Variants in FBXO5 observed in about 807,000 individuals in gnomAD.
FBXO5 encodes F-box only protein 5.
In FBXO5, 8 loss-of-function variants were observed where a neutral mutation model predicts 43.3. The ratio of observed to expected loss-of-function variants is 0.18; its 90% CI spans 0.11 to 0.33. FBXO5 has a LOEUF of 0.33. Among genes scored for constraint, FBXO5 ranks in the 10% least tolerant of loss-of-function variants. The probability of loss-of-function intolerance (pLI) is 1.00; values close to 1 mark genes in which losing one functional copy is unlikely to be tolerated. For synonymous variants in FBXO5, 204 were observed against 193.7 expected (o/e 1.05, Z -0.44); for missense variants, 491 against 535.7 (o/e 0.92, Z 0.82).
At position 152,972,458 on chromosome 6, in the gene FBXO5, A is replaced by T; in HGVS notation, c.910-4T>A. 1 of 1,569,298 alleles carries T rather than the reference A, an allele frequency of 6.4e-7. No homozygotes were observed. The highest frequency in any genetic ancestry group is 8.6e-7 in the Non-Finnish European group (1 of 1,158,466). Reference sequence around the variant, plus strand: ...GTGAAAATTTATTGTTGTTTTCCTAATTTAAAAAAAAGTTTTAATAGAATT... The same window carrying T: ...GTGAAAATTTATTGTTGTTTTCCTATTTTAAAAAAAAGTTTTAATAGAATT... On this transcript the variant is annotated splice_region_variant and splice_polypyrimidine_tract_variant and intron_variant, in intron 3 of 4. Coordinates refer to ENST00000229758, the MANE Select transcript of FBXO5 (RefSeq NM_012177.5).
intron 2 of FBXO5, chr6:152,974,006 C>G (rs1179943607): frequency 2.0e-5 from 3 of 150,912 alleles, no homozygotes; most frequent in Non-Finnish European, 4.4e-5. Context: ...TAAGTCCTAT[C>G]TAATTCTAGC....
intron 1 of FBXO5, among the ~76,000 whole-genome samples, chr6:152,976,585 C>G (rs964713387): frequency 1.3e-5 from 2 of 152,292 alleles, no homozygotes; most frequent in Middle Eastern, 6.8e-3. Context: ...ATAAGAATGA[C>G]ACTCTAATCA....
chr6:152,974,321 T>C (rs922318078), intron 2 of FBXO5, among the ~76,000 whole-genome samples: 2 of 152,192 alleles, frequency 1.3e-5, no homozygotes, highest in African/African-American at 2.4e-5. Flanking sequence ...AATTACTTCA[T>C]ACTTTCTGGT....
rs1295406884 is a variant in FBXO5 at position 152,982,948 on chromosome 6, G to A, written c.12C>T (p.Arg4=). Residue 4 remains arginine (R), a synonymous_variant, in exon 1 of 5, where the codon CGC becomes CGT. Coordinates refer to ENST00000229758, the MANE Select transcript of FBXO5 (RefSeq NM_012177.5). ...GTGGCCGTAGGGCGCAGCTGCAGGG[G>A]CGCCGGCTCATGCCAGCCGACGTGG... is the stretch of plus-strand genomic sequence containing the variant. MSR[R]PCSCALRPPR... The A allele has an allele frequency of 2.1e-6, 3 of 1,421,882 alleles. No homozygotes were observed. The highest frequency in any genetic ancestry group is 2.7e-6 in the Non-Finnish European group (3 of 1,097,452). 88.1% of individuals were successfully genotyped at this position (1,421,882 alleles called of 1,614,324 possible).
chr6:152,976,082 AT>A (rs1216521582), intron 1 of FBXO5, among the ~76,000 whole-genome samples: 4 of 152,212 alleles, frequency 2.6e-5, no homozygotes, highest in Non-Finnish European at 5.9e-5. Flanking sequence ...TGGACTTGAA[AT>A]GACATTATGG....
rs762751985 is a variant in FBXO5 at position 152,971,314 on chromosome 6, C to T, written c.1193G>A (p.Arg398Gln). ...ACAATAATCAAATCCACAGCCTTCT[C>T]GTTTGCAGGTTGCCCGTTGTAAATA... The part of the protein sequence containing the change: ...DCYLQRATCK[R>Q]EGCGFDYCTK... Residue 398 changes from arginine (R) to glutamine (Q), a missense_variant, in exon 5 of 5, where the codon CGA (arginine) becomes CAA (glutamine). By Grantham distance (43) the Arg-to-Gln change is conservative. Transcript: ENST00000229758. 3 of 1,613,992 alleles carry T rather than the reference C, an allele frequency of 1.9e-6. No homozygotes were observed. The highest frequency in any genetic ancestry group is 2.5e-6 in the Non-Finnish European group (3 of 1,179,954).
At chr6:152,974,198 C>A (rs1342168390) in intron 2 of FBXO5, among the ~76,000 whole-genome samples, 4 of 151,186 alleles carry the variant, frequency 2.6e-5, no homozygotes, top group African/African-American at 9.8e-5. Context: ...TGGAGTGAAA[C>A]CCTGTCTCAA....
intron 1 of FBXO5, among the ~76,000 whole-genome samples, chr6:152,977,308 T>C (rs1185033270): frequency 6.6e-6 from 1 of 150,612 alleles, no homozygotes. Context: ...AGTAAATGTA[T>C]ACAGCATCAG....
intron 1 of FBXO5, among the ~76,000 whole-genome samples, chr6:152,979,768 T>C (rs142632707): frequency 7.9e-5 from 12 of 152,348 alleles, no homozygotes; most frequent in African/African-American, 2.6e-4. Flanking sequence ...GCAGTTGACA[T>C]TGGTGTCCAT....
intron 1 of FBXO5, among the ~76,000 whole-genome samples, chr6:152,976,797 G>C (rs1042743895): frequency 1.3e-5 from 2 of 152,176 alleles, no homozygotes; most frequent in Non-Finnish European, 2.9e-5. Context: ...AGCATCTTAA[G>C]ATAGCTTTAA....
intron 1 of FBXO5, among the ~76,000 whole-genome samples, chr6:152,977,983 C>T (rs1213072792): frequency 2.6e-5 from 4 of 152,012 alleles, no homozygotes; most frequent in Non-Finnish European, 5.9e-5. Context: ...GCTTACAAAC[C>T]TTTTGAGGTA....
At position 152,971,388 on chromosome 6, in the gene FBXO5, T is replaced by G; in HGVS notation, c.1119A>C (p.Glu373Asp). ...TACAGCGAATACAGGCTTTGAGGCTTTCGTTCTTTTTCAATGTCTTGGCAA... is the reference window on the plus strand; with the variant it reads ...TACAGCGAATACAGGCTTTGAGGCTGTCGTTCTTTTTCAATGTCTTGGCAA... ...SEVAKTLKKN[E>D]SLKACIRCNS... Residue 373 changes from glutamate to aspartate, a missense_variant, in exon 5 of 5, where the codon GAA becomes GAC. Transcript: ENST00000229758. The G allele has an allele frequency of 6.2e-7, 1 of 1,603,804 alleles. No homozygotes were observed. Among genetic ancestry groups the G allele is most frequent in the Non-Finnish European group, 8.5e-7 (1 of 1,177,096 alleles).
upstream of FBXO5, chr6:152,983,225 C>A (rs986012801): frequency 1.1e-5 from 4 of 359,818 alleles, no homozygotes; most frequent in Admixed American, 4.7e-5. Flanking sequence ...CAGCCCCCTT[C>A]CAGCTTACCG....
chr6:152,980,180 A>AC (rs1461507087), intron 1 of FBXO5, among the ~76,000 whole-genome samples: 1 of 152,234 alleles, frequency 6.6e-6, no homozygotes, highest in East Asian at 1.9e-4. Context: ...AAGACAGAAA[A>AC]CATTATATGG....
chr6:152,974,852 C>T, intron 2 of FBXO5, 55 bp downstream of exon 2: 1 of 1,410,132 alleles, frequency 7.1e-7, no homozygotes, highest in Non-Finnish European at 9.6e-7. Flanking sequence ...TACTGAGCCA[C>T]TAACAGCAAT....
At chr6:152,981,045 A>G (rs773726814) in intron 1 of FBXO5, among the ~76,000 whole-genome samples, 2 of 152,244 alleles carry the variant, frequency 1.3e-5, no homozygotes, top group Non-Finnish European at 2.9e-5. Flanking sequence ...ACAAAGAAGT[A>G]TATATTTCAG....
In FBXO5 at chr6:152,975,208, G is replaced by C. The variant is rs546785265; in HGVS notation, c.517C>G (p.Leu173Val). ...SLLEENFGDS[L>V]QSCLLQIQSP... ...TGTATTTGTAGCAGGCAGGATTGTA[G>C]ACTGTCACCGAAATTCTCCTCCAGG... Residue 173 changes from leucine (L) to valine (V), a missense_variant, in exon 2 of 5, where the codon CTA becomes GTA. Leu to Val is a conservative substitution (Grantham distance 32). Transcript: ENST00000229758. 3.7e-6 allele frequency: 6 copies of C among 1,614,134 alleles called. No homozygotes were observed. Among genetic ancestry groups the C allele is most frequent in the Non-Finnish European group, 3.4e-6 (4 of 1,180,002 alleles).
At chr6:152,974,835 C>CTGG in intron 2 of FBXO5, 72 bp downstream of exon 2, 1 of 1,171,618 alleles carries the variant, frequency 8.5e-7, no homozygotes, top group Non-Finnish European at 1.2e-6. Context: ...TTTGCATGAG[C>CTGG]TGGTGGTACT....
chr6:152,979,059 C>T (rs1377649148), intron 1 of FBXO5, among the ~76,000 whole-genome samples: 1 of 152,048 alleles, frequency 6.6e-6, no homozygotes, highest in Non-Finnish European at 1.5e-5. Flanking sequence ...TATTTGAATT[C>T]ACAGAAAAGC....
Sources: allele counts gnomAD v4.1 joint callset (sites outside exome capture counted in the v4.1 genomes callset), GRCh38; gene constraint gnomAD v4.1.1; transcripts MANE v1.5; gene names NCBI Gene and HGNC (gene_info 2026-07-23, HGNC 2026-07-21).